The following PCGF3 variants were observed in gnomAD, a reference collection of about 807,000 sequenced individuals.
The protein encoded by PCGF3 is polycomb group ring finger 3, also known as polycomb group RING finger protein 3.
PCGF3 carries 7 observed loss-of-function variants against 33.1 expected under a neutral mutation model. That is an observed-to-expected ratio of 0.21 (90% CI 0.12 to 0.40). The LOEUF (loss-of-function observed/expected upper bound fraction) is 0.40. Ranked by LOEUF, PCGF3 falls within the 10% of genes least tolerant of loss-of-function variation. The pLI is 1.00. For missense variants in PCGF3, 211 were observed against 313.3 expected (o/e 0.67, Z 2.46); for synonymous variants, 153 against 121.3 (o/e 1.26, Z -1.72).
intron 8 of PCGF3, chr4:756,872 G>A (rs1013361010): frequency 1.4e-4 from 22 of 152,154 alleles, no homozygotes; most frequent in Admixed American, 1.4e-3. Flanking sequence ...CTGCCATGGC[G>A]ATGATCGAGA....
At chr4:736,544 C>T (rs1158718112) in intron 5 of PCGF3, among the ~76,000 whole-genome samples, 1 of 129,902 alleles carries the variant, frequency 7.7e-6, no homozygotes, top group Non-Finnish European at 1.6e-5. Flanking sequence ...TGCAGGGAAC[C>T]TGGGGTGTCC....
chr4:757,517 C>G (rs1744821580), intron 8 of PCGF3: 1 of 152,274 alleles, frequency 6.6e-6, no homozygotes, highest in Non-Finnish European at 1.5e-5. Flanking sequence ...ACATACTAAT[C>G]TAGCTATGCC....
intron 8 of PCGF3, among the ~76,000 whole-genome samples, chr4:759,707 TCTTCTCCTTCC>T (rs1744936164): frequency 0.036 from 6 of 168 alleles, 3 homozygotes; most frequent in South Asian, 1. Context: ...TCTCCCGAGT[TCTTCTCCTTCC>T]GGACTCTGGG....
rs367785155 is a variant in PCGF3 at position 739,052 on chromosome 4, G to T, written c.262+1531G>T. On this transcript the variant is annotated intron_variant, in intron 6 of 10. Transcript: ENST00000362003. Reference sequence around the variant, plus strand: ...CTTTGATCTGTAAAGGCTGCAGTACGTATCCCCAAAAGATAAGGGTTCTTC... The same window carrying T: ...CTTTGATCTGTAAAGGCTGCAGTACTTATCCCCAAAAGATAAGGGTTCTTC... Among the ~76,000 whole-genome samples, 76 of 152,184 alleles carry T rather than the reference G, an allele frequency of 5.0e-4. No individual in the cohort carries two copies. The South Asian group carries it at 0.011, about 21-fold the overall frequency.
chr4:711,252 G>A (rs892101622), intron 1 of PCGF3, among the ~76,000 whole-genome samples: 1 of 152,210 alleles, frequency 6.6e-6, no homozygotes, highest in Non-Finnish European at 1.5e-5. Flanking sequence ...TGGCAAAATC[G>A]AGGAGCTGCA....
In PCGF3 at chr4:721,083, C is replaced by G. The variant is rs536995818; in HGVS notation, c.-189-9547C>G. Among the ~76,000 whole-genome samples the G allele has an allele frequency of 2.9e-3, 439 of 151,404 alleles. 4 individuals carry two copies. Among genetic ancestry groups the G allele is most frequent in the African/African-American group, 0.01 (419 of 41,204 alleles). ...CCACCCCTCCCACCTGGGCTGGGCA[C>G]CCATGAGGCTGAGGACCCTGGGGAG... is the stretch of plus-strand genomic sequence containing the variant. On this transcript the variant is annotated intron_variant, in intron 1 of 10. Coordinates refer to ENST00000362003, the Ensembl canonical transcript of PCGF3. This position sits in a 1 kb window ranked among gnomAD's most constrained non-coding sequence, Gnocchi z 4.1.
At chr4:716,088 C>T (rs571138775) in intron 1 of PCGF3, among the ~76,000 whole-genome samples, 5 of 137,642 alleles carry the variant, frequency 3.6e-5, no homozygotes, top group Non-Finnish European at 6.2e-5. Flanking sequence ...AACCGGGCAT[C>T]GGTGCTGGGA....
At chr4:718,278 C>T (rs1250514661) in intron 1 of PCGF3, among the ~76,000 whole-genome samples, 7 of 151,966 alleles carry the variant, frequency 4.6e-5, no homozygotes, top group African/African-American at 1.2e-4. Flanking sequence ...CCGGGGGCGG[C>T]GCTGGGGGCC....
intron 1 of PCGF3, among the ~76,000 whole-genome samples, chr4:730,095 A>G (rs144037789): frequency 6.6e-6 from 1 of 151,860 alleles, no homozygotes; most frequent in East Asian, 1.9e-4. Context: ...ATCCCCACTG[A>G]GCCCAACACC....
chr4:743,587 G>A lies in PCGF3; in HGVS notation c.373+3G>A, dbSNP rs376447530. 6.4e-6 allele frequency: 10 copies of A among 1,564,112 alleles called. 1 individual carries two copies. In the East Asian group the frequency reaches 1.8e-4, roughly 28 times the overall value. ...GCACTTAGATTCCCATCGGAATGGT[G>A]AGTGCCCTGCGTGCCCATCCAGAAG... On this transcript the variant is annotated splice_donor_region_variant and intron_variant, in intron 7 of 10. Transcript: ENST00000362003.
chr4:769,696 G>C (rs770721240), exon 11 of PCGF3: 1 of 152,176 alleles, frequency 6.6e-6, no homozygotes, highest in Non-Finnish European at 1.5e-5. Context: ...ACGAGCTGCA[G>C]TTTGAGCGTT....
chr4:754,641 TG>T, intron 8 of PCGF3, among the ~76,000 whole-genome samples: 1 of 152,118 alleles, frequency 6.6e-6, no homozygotes, highest in East Asian at 1.9e-4. Flanking sequence ...GAGGTGAGGT[TG>T]GGGACCTTGG....
At chr4:742,500 G>C (rs1008405031) in intron 6 of PCGF3, among the ~76,000 whole-genome samples, 1 of 152,242 alleles carries the variant, frequency 6.6e-6, no homozygotes, top group African/African-American at 2.4e-5. Flanking sequence ...GGTTTGAGCA[G>C]CTTTTTTCTA....
exon 11 of PCGF3, chr4:769,599 T>C (rs1467636040): frequency 1.3e-5 from 2 of 151,962 alleles, no homozygotes; most frequent in East Asian, 3.8e-4. Context: ...GTGCGGGCAA[T>C]GGCCACGTGG....
Position 749,476 on chromosome 4 carries a change from C to CTTTTTTTTTTTTTTTT in PCGF3, c.462+4797_462+4812dup, listed in dbSNP as rs71640348. On this transcript the variant is annotated intron_variant, in intron 8 of 10. Coordinates refer to ENST00000362003, the Ensembl canonical transcript of PCGF3. ...ACCATGCCCTGCTGAATTTTCTTTC[C>CTTTTTTTTTTTTTTTT]TTTTTTTTTTTTTTTTTTTTTTTTG... Among the ~76,000 whole-genome samples the CTTTTTTTTTTTTTTTT allele has an allele frequency of 4.1e-3, 310 of 75,462 alleles. 14 individuals carry two copies. The highest frequency in any genetic ancestry group is 0.014 in the Middle Eastern group (1 of 74). The allele number at this position is 75,462 out of a possible 152,430, so 49.5% of individuals were successfully genotyped here.
At chr4:730,377 C>T (rs1225245295) in intron 1 of PCGF3, among the ~76,000 whole-genome samples, 1 of 152,322 alleles carries the variant, frequency 6.6e-6, no homozygotes, top group East Asian at 1.9e-4. Flanking sequence ...GCTGCCCCCC[C>T]ACCCCCGTGG....
chr4:711,937 G>A (rs558759378), intron 1 of PCGF3, among the ~76,000 whole-genome samples: 46 of 147,030 alleles, frequency 3.1e-4, no homozygotes, highest in Non-Finnish European at 2.4e-4. Context: ...TGGGCGAAGA[G>A]TGAGACTCTG....
intron 8 of PCGF3, 79 bp from the exon 9 acceptor site, chr4:761,200 T>G: frequency 5.6e-6 from 7 of 1,245,564 alleles, no homozygotes; most frequent in Non-Finnish European, 7.6e-6. Context: ...GAGGAATTAG[T>G]GAAATATGTC....
intron 10 of PCGF3, 59 bp from the exon 11 acceptor site, chr4:765,973 T>C (rs1302128388): frequency 4.7e-6 from 7 of 1,490,686 alleles, no homozygotes; most frequent in South Asian, 1.1e-5. Flanking sequence ...CCCGATGAAG[T>C]AGGTCCTTCT....
Sources: allele counts gnomAD v4.1 joint callset (sites outside exome capture counted in the v4.1 genomes callset), GRCh38; gene constraint gnomAD v4.1.1; non-coding constraint Gnocchi (gnomAD v3.1); transcripts MANE v1.5; gene names NCBI Gene and HGNC (gene_info 2026-07-23, HGNC 2026-07-21).